SGPP2: variants seen among roughly 807,000 people sequenced by gnomAD.
SGPP2 encodes sphingosine-1-phosphate phosphatase 2, also known as sphingosine 1-phosphate phosphohydrolase 2.
Under a neutral mutation model 33.9 loss-of-function variants are expected in SGPP2, and 30 were observed. That is an observed-to-expected ratio of 0.89 (90% CI 0.66 to 1.20). The LOEUF (loss-of-function observed/expected upper bound fraction) is 1.20, where lower values mean the gene tolerates loss of function less well. Among genes scored for constraint, SGPP2 ranks in the 50% most tolerant of loss-of-function variants. SGPP2 has a pLI of 0.00. For missense variants in SGPP2, 458 were observed against 532.1 expected (o/e 0.86, Z 1.37); for synonymous variants, 233 against 225.0 (o/e 1.04, Z -0.32).
Position 222,470,591 on chromosome 2 carries a change from C to T in SGPP2, c.220-3977C>T, listed in dbSNP as rs80115657. 1.3e-4 allele frequency among the ~76,000 whole-genome samples: 19 copies of T among 150,654 alleles called. No individual in the cohort carries two copies. In the East Asian group the frequency reaches 1.8e-3, roughly 14 times the overall value. On this transcript the variant is annotated intron_variant, in intron 1 of 4. Coordinates refer to ENST00000321276, the MANE Select transcript of SGPP2 (RefSeq NM_152386.4). The stretch of plus-strand genomic sequence containing the variant: ...GTAGCACTAAAGCAGTTTGCTATCA[C>T]TTTTGGTGGTCTTTTCAATTGTTTA...
At chr2:222,455,557 T>C (rs1015174309) in intron 1 of SGPP2, among the ~76,000 whole-genome samples, 1 of 152,206 alleles carries the variant, frequency 6.6e-6, no homozygotes, top group African/African-American at 2.4e-5. Flanking sequence ...TTTGGGACTT[T>C]ATTCTGAGTG....
At chr2:222,524,465 A>G (rs1293960665) in intron 3 of SGPP2, among the ~76,000 whole-genome samples, 1 of 152,232 alleles carries the variant, frequency 6.6e-6, no homozygotes, top group African/African-American at 2.4e-5. Flanking sequence ...CTGGACGCAA[A>G]TATGCCGATT....
chr2:222,502,363 C>G (rs1398088144), intron 2 of SGPP2, among the ~76,000 whole-genome samples: 1 of 152,116 alleles, frequency 6.6e-6, no homozygotes, highest in East Asian at 1.9e-4. Context: ...GAATTATTGC[C>G]AGGCATACTC....
intron 4 of SGPP2, among the ~76,000 whole-genome samples, chr2:222,541,544 A>G (rs1218469500): frequency 6.6e-6 from 1 of 152,192 alleles, no homozygotes; most frequent in Non-Finnish European, 1.5e-5. Context: ...TTACTTGTAT[A>G]GGACAAGAAA....
At chr2:222,438,067 G>A (rs1697271434) in intron 1 of SGPP2, among the ~76,000 whole-genome samples, 1 of 152,228 alleles carries the variant, frequency 6.6e-6, no homozygotes, top group South Asian at 2.1e-4. Flanking sequence ...TAGGTCACTT[G>A]ATAAATGGGC....
chr2:222,551,289 G>C (rs1418313740), intron 4 of SGPP2, among the ~76,000 whole-genome samples: 2 of 152,006 alleles, frequency 1.3e-5, no homozygotes, highest in African/African-American at 4.8e-5. Flanking sequence ...ACCGTGAACC[G>C]TTTTCCCTCT....
intron 2 of SGPP2, among the ~76,000 whole-genome samples, chr2:222,510,174 T>G (rs1698504351): frequency 6.6e-6 from 1 of 152,226 alleles, no homozygotes; most frequent in Non-Finnish European, 1.5e-5. Flanking sequence ...GGCTACCAAA[T>G]GCTAACAACA....
At chr2:222,471,811 T>G (rs937379786) in intron 1 of SGPP2, among the ~76,000 whole-genome samples, 1 of 152,222 alleles carries the variant, frequency 6.6e-6, no homozygotes, top group Non-Finnish European at 1.5e-5. Flanking sequence ...TTACTTTGAT[T>G]TTATTTTTAT....
intron 1 of SGPP2, among the ~76,000 whole-genome samples, chr2:222,459,101 G>A (rs575301789): frequency 0.041 from 2,365 of 58,040 alleles, 19 homozygotes; most frequent in Middle Eastern, 0.069. Context: ...GCTGCTGCTT[G>A]TCTAAAAAAG....
intron 2 of SGPP2, among the ~76,000 whole-genome samples, chr2:222,499,695 G>A (rs1698337546): frequency 1.3e-5 from 2 of 152,214 alleles, no homozygotes; most frequent in African/African-American, 2.4e-5. Flanking sequence ...CAACCAAAAT[G>A]CAAAGGAAAC....
At chr2:222,521,467 A>C (rs1196667643) in intron 2 of SGPP2, among the ~76,000 whole-genome samples, 2 of 152,184 alleles carry the variant, frequency 1.3e-5, no homozygotes, top group African/African-American at 2.4e-5. Flanking sequence ...AAATCTGCAA[A>C]GCTCCTAGAA....
intron 2 of SGPP2, among the ~76,000 whole-genome samples, chr2:222,511,213 T>C (rs182843764): frequency 1.3e-5 from 2 of 152,310 alleles, no homozygotes; most frequent in African/African-American, 4.8e-5. Context: ...TTTTCCACAC[T>C]GTAAGGACAA....
At position 222,482,481 on chromosome 2, in the gene SGPP2, C is replaced by T. The variant is rs368071199; in HGVS notation, c.378+7755C>T. 9.9e-5 allele frequency among the ~76,000 whole-genome samples: 15 copies of T among 152,270 alleles called. 1 individual carries two copies. Among genetic ancestry groups the T allele is most frequent in the East Asian group, 7.7e-4 (4 of 5,180 alleles). The stretch of plus-strand genomic sequence containing the variant: ...GCACAATCATAGCTCACTGCAGCTT[C>T]GAATTCCTTGACTCAAGTGATCCTA... On this transcript the variant is annotated intron_variant, in intron 2 of 4. Coordinates refer to ENST00000321276, the MANE Select transcript of SGPP2 (RefSeq NM_152386.4).
At chr2:222,551,130 T>C (rs1230161187) in intron 4 of SGPP2, among the ~76,000 whole-genome samples, 1 of 152,158 alleles carries the variant, frequency 6.6e-6, no homozygotes. Flanking sequence ...CTGTCTTCCA[T>C]ATATTTCTTA....
At position 222,529,617 on chromosome 2, in the gene SGPP2, G is replaced by C. The variant is rs1427595153; in HGVS notation, c.648+4584G>C. Reference sequence around the variant, plus strand: ...CCCAAAGTGCTGGGATTACAGGCATGAGCCACTGCACCCAGCCTCTTGCTA... The same window carrying C: ...CCCAAAGTGCTGGGATTACAGGCATCAGCCACTGCACCCAGCCTCTTGCTA... On this transcript the variant is annotated intron_variant, in intron 4 of 4. Transcript: ENST00000321276. Among the ~76,000 whole-genome samples, 17 of 152,188 alleles carry C rather than the reference G, an allele frequency of 1.1e-4. 1 individual carries two copies. The highest frequency in any genetic ancestry group is 1.0e-3 in the Admixed American group (16 of 15,286).
chr2:222,545,148 CT>C (rs1301236965), intron 4 of SGPP2, among the ~76,000 whole-genome samples: 1 of 152,166 alleles, frequency 6.6e-6, no homozygotes, highest in East Asian at 1.9e-4. Flanking sequence ...AATAGCTCTA[CT>C]TTTTCCACTG....
At position 222,511,917 on chromosome 2, in the gene SGPP2, A is replaced by T. The variant is rs572905822; in HGVS notation, c.379-9850A>T. 7.9e-4 allele frequency among the ~76,000 whole-genome samples: 120 copies of T among 152,190 alleles called. 2 individuals are homozygous for T. The highest frequency in any genetic ancestry group is 2.7e-3 in the African/African-American group (111 of 41,524). ...TGGTCTCAAACTCCTGGGTCAAGTG[A>T]TCCACCTTCCTTGGCCTCCCAAAGT... On this transcript the variant is annotated intron_variant, in intron 2 of 4. Transcript: ENST00000321276.
At chr2:222,558,202 A>G in intron 4 of SGPP2, 145 bp from the exon 5 acceptor site, 1 of 902,884 alleles carries the variant, frequency 1.1e-6, no homozygotes, top group South Asian at 2.0e-5. Context: ...TTAGAACTTT[A>G]CACTTTCTTT....
At chr2:222,497,050 A>C (rs1448588739) in intron 2 of SGPP2, among the ~76,000 whole-genome samples, 1 of 152,192 alleles carries the variant, frequency 6.6e-6, no homozygotes, top group Non-Finnish European at 1.5e-5. Flanking sequence ...GGTTCTTTTT[A>C]AAATGGAATG....
Sources: gnomAD v4.1 joint callset for allele counts (sites outside exome capture counted in the v4.1 genomes callset) on GRCh38, gnomAD v4.1.1 for gene constraint, MANE v1.5 for transcripts, NCBI Gene and HGNC (gene_info 2026-07-23, HGNC 2026-07-21) for gene names.